Variants in SUPT3H observed in about 807,000 individuals in gnomAD.
SUPT3H encodes the protein transcription initiation protein SPT3 homolog.
SUPT3H carries 44 observed loss-of-function variants against 44.3 expected under a neutral mutation model. The observed-to-expected ratio is 0.99, with a 90% CI of 0.78 to 1.28. The LOEUF (loss-of-function observed/expected upper bound fraction) is 1.28. SUPT3H is among the 50% of genes most tolerant of loss of function. SUPT3H has a pLI of 0.00. For missense variants in SUPT3H, 380 were observed against 387.1 expected (o/e 0.98, Z 0.15); for synonymous variants, 124 against 125.6 (o/e 0.99, Z 0.09).
In SUPT3H at chr6:44,953,325, A is replaced by T; in HGVS notation, c.786T>A (p.Tyr262Ter). The T allele has an allele frequency of 6.2e-7, 1 of 1,613,980 alleles. No individual in the cohort carries two copies. The highest frequency in any genetic ancestry group is 8.5e-7 in the Non-Finnish European group (1 of 1,179,882). The change falls in exon 9 of 11, where the codon TAT (tyrosine) becomes TAA (stop). Residue 262 changes from tyrosine to a stop codon, truncating the protein, a stop_gained. Transcript: ENST00000371459. LOFTEE classifies it high-confidence loss of function. Reference sequence around the variant, plus strand: ...TTGTACTTACCTCAGCAGAGTTGTGATACTGAATGAAGGTTGCAGAAATGG... The same window carrying T: ...TTGTACTTACCTCAGCAGAGTTGTGTTACTGAATGAAGGTTGCAGAAATGG... ...SHAISATFIQ[Y>*]HNSAESTAAC...
intron 2 of SUPT3H, among the ~76,000 whole-genome samples, chr6:45,229,947 A>G (rs1767641650): frequency 6.6e-6 from 1 of 152,130 alleles, no homozygotes; most frequent in African/African-American, 2.4e-5. Flanking sequence ...ATACATTTGT[A>G]CCCATAACCA....
intron 5 of SUPT3H, among the ~76,000 whole-genome samples, chr6:45,007,703 G>A (rs1480062799): frequency 6.7e-6 from 1 of 149,478 alleles, no homozygotes; most frequent in Admixed American, 6.7e-5. Flanking sequence ...CTATGTTGGT[G>A]CATTACTCCC....
At chr6:45,197,251 GGA>G (rs1252706383) in intron 2 of SUPT3H, among the ~76,000 whole-genome samples, 1 of 151,266 alleles carries the variant, frequency 6.6e-6, no homozygotes, top group African/African-American at 2.4e-5. Context: ...TCAAGTAAAT[GGA>G]GAGAAAATGT....
At chr6:45,043,159 A>ACACACACACG (rs1788832103) in intron 3 of SUPT3H, among the ~76,000 whole-genome samples, 1 of 151,534 alleles carries the variant, frequency 6.6e-6, no homozygotes, top group Non-Finnish European at 1.5e-5. Flanking sequence ...ACACACACAC[A>ACACACACACG]CACACACACA....
chr6:44,941,851 T>C (rs1245098895), intron 9 of SUPT3H, among the ~76,000 whole-genome samples: 1 of 152,156 alleles, frequency 6.6e-6, no homozygotes, highest in Non-Finnish European at 1.5e-5. Context: ...AGCTGAGGTT[T>C]CCAGTGAGTA....
intron 2 of SUPT3H, among the ~76,000 whole-genome samples, chr6:45,294,637 C>G (rs1562895904): frequency 6.9e-6 from 1 of 144,208 alleles, no homozygotes; most frequent in East Asian, 2.0e-4. Flanking sequence ...AGTTCCCGGA[C>G]ACAAAATTAT....
intron 2 of SUPT3H, among the ~76,000 whole-genome samples, chr6:45,230,688 T>TATATATA: frequency 2.5e-5 from 1 of 39,858 alleles, no homozygotes; most frequent in Non-Finnish European, 5.9e-5. Context: ...ATATATATAT[T>TATATATA]TTTGAGATGG....
chr6:45,325,795 A>AT (rs1202336241), intron 2 of SUPT3H, among the ~76,000 whole-genome samples: 1 of 151,938 alleles, frequency 6.6e-6, no homozygotes, highest in Non-Finnish European at 1.5e-5. Context: ...ACACACTGTT[A>AT]TCAAATGTGT....
chr6:45,043,597 T>A (rs910488206), intron 3 of SUPT3H, among the ~76,000 whole-genome samples: 1 of 152,044 alleles, frequency 6.6e-6, no homozygotes, highest in African/African-American at 2.4e-5. Context: ...CTTTTTAGAA[T>A]TGGAAATGAA....
chr6:45,357,884 A>C lies in SUPT3H; in HGVS notation c.101+7317T>G, dbSNP rs73735387. Among the ~76,000 whole-genome samples, 595 of 152,286 alleles carry C rather than the reference A, an allele frequency of 3.9e-3. 7 individuals carry two copies. Among genetic ancestry groups the C allele is most frequent in the African/African-American group, 0.014 (567 of 41,564 alleles). On this transcript the variant is annotated intron_variant, in intron 2 of 10. Transcript: ENST00000371459. The stretch of plus-strand genomic sequence containing the variant: ...GCTACAGTCATAGGATTTTTCAGAA[A>C]GACTAAGAGTATATATATATATAAA...
intron 2 of SUPT3H, among the ~76,000 whole-genome samples, chr6:45,111,085 T>C (rs916607036): frequency 2.0e-5 from 3 of 149,444 alleles, no homozygotes; most frequent in Non-Finnish European, 4.4e-5. Context: ...CAGGCTGGAG[T>C]GCAGTGGCGC....
At chr6:45,010,450 C>G (rs1576381) in intron 5 of SUPT3H, among the ~76,000 whole-genome samples, 147,741 of 152,208 alleles carry the variant, frequency 0.97, 71,729 homozygotes, top group East Asian at 1. Flanking sequence ...TTACCATTAA[C>G]TATGATGTTA....
intron 10 of SUPT3H, among the ~76,000 whole-genome samples, chr6:44,861,954 A>T (rs1774732315): frequency 6.6e-6 from 1 of 152,198 alleles, no homozygotes; most frequent in African/African-American, 2.4e-5. Context: ...AAAGCCACTG[A>T]AAAGTTGACA....
chr6:45,288,567 A>T (rs558838107), intron 2 of SUPT3H, among the ~76,000 whole-genome samples: 1 of 46,570 alleles, frequency 2.1e-5, no homozygotes, highest in Non-Finnish European at 5.0e-5. Context: ...ATATATATGT[A>T]TATATATATA....
chr6:45,194,428 C>A (rs1815672522), intron 2 of SUPT3H, among the ~76,000 whole-genome samples: 2 of 152,002 alleles, frequency 1.3e-5, no homozygotes, highest in African/African-American at 2.4e-5. Flanking sequence ...CTATTGTTTA[C>A]AACAAAATAC....
At chr6:45,241,765 G>C (rs1770377738) in intron 2 of SUPT3H, among the ~76,000 whole-genome samples, 1 of 152,020 alleles carries the variant, frequency 6.6e-6, no homozygotes, top group Non-Finnish European at 1.5e-5. Context: ...CAATGAAAGA[G>C]AGTTAACAGA....
At chr6:45,142,098 C>T (rs952998810) in intron 2 of SUPT3H, among the ~76,000 whole-genome samples, 3 of 152,146 alleles carry the variant, frequency 2.0e-5, no homozygotes, top group African/African-American at 7.2e-5. Flanking sequence ...TATCTTTAGC[C>T]TCTTGAAACA....
intron 3 of SUPT3H, among the ~76,000 whole-genome samples, chr6:45,062,683 T>C (rs941033210): frequency 3.9e-5 from 6 of 152,036 alleles, no homozygotes; most frequent in African/African-American, 1.5e-4. Context: ...CCTTTCCGAG[T>C]CAAAGAAAGG....
chr6:45,268,655 A>G (rs1775643184), intron 2 of SUPT3H, among the ~76,000 whole-genome samples: 1 of 152,210 alleles, frequency 6.6e-6, no homozygotes, highest in Non-Finnish European at 1.5e-5. Context: ...CAAAAACCAT[A>G]ACTATTCAAC....
Sources: allele counts gnomAD v4.1 joint callset (sites outside exome capture counted in the v4.1 genomes callset), GRCh38; gene constraint gnomAD v4.1.1; transcripts MANE v1.5; gene names NCBI Gene and HGNC (gene_info 2026-07-23, HGNC 2026-07-21).